Variants in DPP10 observed in about 807,000 individuals in gnomAD.
DPP10 encodes the protein inactive dipeptidyl peptidase 10.
In DPP10, 33 loss-of-function variants were observed where a neutral mutation model predicts 120.9. The observed-to-expected ratio is 0.27, with a 90% confidence interval of 0.21 to 0.37. DPP10 has a LOEUF of 0.37. DPP10 is among the 10% of genes least tolerant of loss of function. DPP10 has a pLI of 1.00. For synonymous variants in DPP10, 337 were observed against 326.1 expected, an observed-to-expected ratio of 1.03 and a Z score of -0.36; for missense variants, 816 against 942.8, an observed-to-expected ratio of 0.87 and a Z score of 1.76.
chr2:114,678,886 A>AT (rs1246007322), intron 1 of DPP10, among the ~76,000 whole-genome samples: 1 of 152,076 alleles, frequency 6.6e-6, no homozygotes, highest in Non-Finnish European at 1.5e-5. Flanking sequence ...AAAATTAGTC[A>AT]TTTTAAGAGG....
At chr2:115,292,767 C>T (rs1007044902) in intron 1 of DPP10, among the ~76,000 whole-genome samples, 1 of 152,082 alleles carries the variant, frequency 6.6e-6, no homozygotes, top group Non-Finnish European at 1.5e-5. Flanking sequence ...CATGGCTATC[C>T]AATTGAAACA....
At chr2:114,722,299 A>C (rs1448570407) in intron 1 of DPP10, among the ~76,000 whole-genome samples, 1 of 152,180 alleles carries the variant, frequency 6.6e-6, no homozygotes, top group East Asian at 1.9e-4. Flanking sequence ...TGATGATTAA[A>C]ATTTCTTCCA....
intron 1 of DPP10, among the ~76,000 whole-genome samples, chr2:114,686,632 G>A (rs1432251376): frequency 4.0e-5 from 6 of 151,888 alleles, no homozygotes; most frequent in Admixed American, 2.6e-4. Flanking sequence ...CCGAGCTTAA[G>A]TTATGTGGCT....
At chr2:114,642,298 A>G (rs952326898) in intron 1 of DPP10, among the ~76,000 whole-genome samples, 2 of 151,920 alleles carry the variant, frequency 1.3e-5, no homozygotes, top group African/African-American at 4.9e-5. Context: ...CATTTACAAG[A>G]CAGGAACTGA....
intron 1 of DPP10, among the ~76,000 whole-genome samples, chr2:114,505,007 G>A (rs1308584121): frequency 1.4e-4 from 19 of 134,962 alleles, no homozygotes; most frequent in Admixed American, 4.8e-4. Flanking sequence ...AGCCAACATC[G>A]CGCCACTGCA....
chr2:115,015,265 A>T (rs1702552514), intron 1 of DPP10, among the ~76,000 whole-genome samples: 1 of 152,204 alleles, frequency 6.6e-6, no homozygotes, highest in Non-Finnish European at 1.5e-5. Flanking sequence ...TGATTATTTC[A>T]ATAGATGCAG....
At chr2:115,260,623 A>G (rs1283678789) in intron 1 of DPP10, among the ~76,000 whole-genome samples, 1 of 152,238 alleles carries the variant, frequency 6.6e-6, no homozygotes, top group South Asian at 2.1e-4. Flanking sequence ...TTTAAATTTT[A>G]GAAAACTGGA....
intron 1 of DPP10, among the ~76,000 whole-genome samples, chr2:115,256,300 G>A (rs1213820926): frequency 6.6e-6 from 1 of 152,180 alleles, no homozygotes; most frequent in African/African-American, 2.4e-5. Context: ...CAGCATGGAG[G>A]TAACCACTCC....
intron 1 of DPP10, among the ~76,000 whole-genome samples, chr2:114,911,711 C>T (rs1239781620): frequency 4.6e-5 from 7 of 152,096 alleles, no homozygotes; most frequent in Admixed American, 3.3e-4. Context: ...AGTTTAGTGG[C>T]CAAGGAACTG....
chr2:114,902,752 C>T (rs1353024509), intron 1 of DPP10, among the ~76,000 whole-genome samples: 1 of 152,152 alleles, frequency 6.6e-6, no homozygotes. Flanking sequence ...TAAACACTCC[C>T]CACCAGAGTG....
chr2:115,294,688 A>G (rs1429279785), intron 1 of DPP10, among the ~76,000 whole-genome samples: 1 of 152,110 alleles, frequency 6.6e-6, no homozygotes, highest in Non-Finnish European at 1.5e-5. Flanking sequence ...CCTTACACCT[A>G]TGTAGTTTAT....
intron 1 of DPP10, among the ~76,000 whole-genome samples, chr2:115,016,960 G>A (rs78285590): frequency 4.0e-5 from 6 of 148,660 alleles, no homozygotes; most frequent in Non-Finnish European, 7.4e-5. Context: ...CGCAAGGACA[G>A]AAAACCAAAC....
intron 8 of DPP10, among the ~76,000 whole-genome samples, chr2:115,729,567 AC>A (rs1172764653): frequency 2.0e-5 from 3 of 152,182 alleles, no homozygotes; most frequent in African/African-American, 7.2e-5. Flanking sequence ...GGAGTTCCAT[AC>A]CAGCCTAGAC....
intron 1 of DPP10, among the ~76,000 whole-genome samples, chr2:114,898,122 G>C (rs1243940304): frequency 6.6e-6 from 1 of 152,162 alleles, no homozygotes; most frequent in African/African-American, 2.4e-5. Context: ...TGATAGACTG[G>C]ATTAAGAAAA....
intron 5 of DPP10, among the ~76,000 whole-genome samples, chr2:115,574,866 G>T (rs534092489): frequency 6.6e-6 from 1 of 152,266 alleles, no homozygotes; most frequent in African/African-American, 2.4e-5. Flanking sequence ...GTCCGTGGCG[G>T]CTTGTTTACC....
intron 5 of DPP10, among the ~76,000 whole-genome samples, chr2:115,681,892 C>T (rs1559024067): frequency 6.6e-6 from 1 of 150,998 alleles, no homozygotes. Context: ...AGATTTGATC[C>T]TATTGAAATG....
At chr2:114,636,404 G>T (rs1284428094) in intron 1 of DPP10, among the ~76,000 whole-genome samples, 1 of 151,976 alleles carries the variant, frequency 6.6e-6, no homozygotes, top group Non-Finnish European at 1.5e-5. Context: ...TACCTTGATT[G>T]CTGGAAGAGT....
chr2:115,725,137 A>G (rs561268408), intron 7 of DPP10, among the ~76,000 whole-genome samples: 1 of 152,330 alleles, frequency 6.6e-6, no homozygotes, highest in Admixed American at 6.5e-5. Flanking sequence ...AATCAATAAC[A>G]TTAGGATAAA....
chr2:115,062,278 C>T (rs888593750), intron 1 of DPP10, among the ~76,000 whole-genome samples: 5 of 151,984 alleles, frequency 3.3e-5, no homozygotes, highest in African/African-American at 7.3e-5. Flanking sequence ...AAGGCTCTAA[C>T]ATTTAAGGAT....
Sources: allele counts gnomAD v4.1 joint callset (sites outside exome capture counted in the v4.1 genomes callset), GRCh38; gene constraint gnomAD v4.1.1; transcripts MANE v1.5; gene names NCBI Gene and HGNC (gene_info 2026-07-23, HGNC 2026-07-21).